The following ARHGAP35 variants were observed in gnomAD, a reference collection of about 807,000 sequenced individuals.
The protein encoded by ARHGAP35 is Rho GTPase activating protein 35.
ARHGAP35 carries 15 observed loss-of-function variants against 111.1 expected under a neutral mutation model. The ratio of observed to expected loss-of-function variants is 0.13; its 90% CI spans 0.09 to 0.21. The LOEUF (loss-of-function observed/expected upper bound fraction) is 0.21, where lower values mean the gene tolerates loss of function less well. Among genes scored for constraint, ARHGAP35 ranks in the 10% least tolerant of loss-of-function variants. The pLI, the probability that ARHGAP35 is intolerant of heterozygous loss-of-function variation, is 1.00. For missense variants in ARHGAP35, 1,262 were observed against 1,873.0 expected, an observed-to-expected ratio of 0.67 and a Z score of 6.02; for synonymous variants, 643 against 710.3, an observed-to-expected ratio of 0.91 and a Z score of 1.51.
chr19:46,873,049 G>A (rs1489390196), intron 1 of ARHGAP35, among the ~76,000 whole-genome samples: 1 of 152,100 alleles, frequency 6.6e-6, no homozygotes, highest in Non-Finnish European at 1.5e-5. Flanking sequence ...GCAGAGAGGG[G>A]ACTTGCCCAA....
In ARHGAP35 at chr19:46,922,113, G is replaced by A. The variant is rs1568468669; in HGVS notation, c.3438G>A (p.Gly1146=). ...SEMDTSSLER[G]RKVSIVSKPV... ...TGGACACCAGCTCTCTAGAGCGAGG[G>A]CGCAAGGTTTCCATCGTGAGCAAGC... Residue 1146 remains glycine (G), a synonymous_variant, in exon 2 of 7, where the codon GGG becomes GGA. Coordinates refer to ENST00000672722, the MANE Select transcript of ARHGAP35 (RefSeq NM_004491.5). This position sits in a 1 kb window ranked among gnomAD's most constrained non-coding sequence, Gnocchi z 4.0. The A allele has an allele frequency of 6.2e-7, 1 of 1,614,046 alleles. No homozygotes were observed. Among genetic ancestry groups the A allele is most frequent in the Non-Finnish European group, 8.5e-7 (1 of 1,179,902 alleles).
At chr19:46,889,750 CAAAAAAAAAAA>C (rs5828291) in intron 1 of ARHGAP35, among the ~76,000 whole-genome samples, 1 of 85,238 alleles carries the variant, frequency 1.2e-5, no homozygotes, top group Admixed American at 1.4e-4. Flanking sequence ...GACTCCGTCT[CAAAAAAAAAAA>C]AAAAAAAAAA....
rs1392329953 is a variant in ARHGAP35, at chr19:46,986,666, ATTAC to A, written c.3827-1319_3827-1316del. 6.6e-6 allele frequency among the ~76,000 whole-genome samples: 1 copy of A among 152,246 alleles called. No individual in the cohort carries two copies. Among genetic ancestry groups the A allele is most frequent in the Non-Finnish European group, 1.5e-5 (1 of 68,042 alleles). ...TGTAAACATATATAACGTTGATATA[ATTAC>A]TTAATATTCATAGACTTTCTCAAGT... is the stretch of plus-strand genomic sequence containing the variant. On this transcript the variant is annotated intron_variant, in intron 3 of 6. Transcript: ENST00000672722. The surrounding 1 kb of genome is among the most constrained non-coding windows in gnomAD (Gnocchi z 4.3).
At chr19:46,913,310 G>C (rs2056147685) in intron 1 of ARHGAP35, among the ~76,000 whole-genome samples, 1 of 151,490 alleles carries the variant, frequency 6.6e-6, no homozygotes. Context: ...CACACTTCCA[G>C]GCGTATGCTG....
rs188117510 is a variant in ARHGAP35 at position 46,975,488 on chromosome 19, G to A, written c.3827-12501G>A. 8.5e-5 allele frequency among the ~76,000 whole-genome samples: 13 copies of A among 152,278 alleles called. No individual in the cohort carries two copies. The East Asian group carries it at 2.1e-3, about 25-fold the overall frequency. On this transcript the variant is annotated intron_variant, in intron 3 of 6. Coordinates refer to ENST00000672722, the MANE Select transcript of ARHGAP35 (RefSeq NM_004491.5). ...AGTGAGAATCCTGGGCCTGTGTGGG[G>A]CTTGTTCTTCACTTTACACCCCATA...
chr19:46,983,636 CAG>C (rs1212825921), intron 3 of ARHGAP35, among the ~76,000 whole-genome samples: 1 of 98,520 alleles, frequency 1.0e-5, no homozygotes, highest in Admixed American at 1.5e-4. Context: ...TTTTTTGAGA[CAG>C]AGTCTCGCTT....
At chr19:46,961,820 C>T (rs1353213787) in intron 3 of ARHGAP35, among the ~76,000 whole-genome samples, 1 of 152,082 alleles carries the variant, frequency 6.6e-6, no homozygotes. Flanking sequence ...GTCCCAACTA[C>T]TCGGGAGGCT....
At chr19:46,963,744 G>C (rs12608885) in intron 3 of ARHGAP35, among the ~76,000 whole-genome samples, 1 of 152,130 alleles carries the variant, frequency 6.6e-6, no homozygotes, top group Non-Finnish European at 1.5e-5. Flanking sequence ...TCTCCCATGG[G>C]ACTTAATCGG....
Position 46,999,244 on chromosome 19 carries a change from C to G in ARHGAP35, c.4037-60C>G, listed in dbSNP as rs1480331395. On this transcript the variant is annotated intron_variant, in intron 5 of 6. Transcript: ENST00000672722. This position sits in a 1 kb window ranked among gnomAD's most constrained non-coding sequence, Gnocchi z 5.4. ...AGAGAAGGCCCATCACAGAGCACGC[C>G]CTGGGGTGGCCACCAGCCTCGGCCA... The G allele has an allele frequency of 1.1e-5, 13 of 1,215,754 alleles. No homozygotes were observed. In the East Asian group the frequency reaches 3.3e-4, roughly 31 times the overall value. The allele number at this position is 1,215,754 out of a possible 1,614,324, so 75.3% of individuals were successfully genotyped here.
Position 46,993,016 on chromosome 19 carries a change from G to A in ARHGAP35, c.4036+3341G>A, listed in dbSNP as rs1298045711. Among the ~76,000 whole-genome samples, 8 of 152,230 alleles carry A rather than the reference G, an allele frequency of 5.3e-5. No individual in the cohort carries two copies. The highest frequency in any genetic ancestry group is 1.3e-4 in the Admixed American group (2 of 15,284). On this transcript the variant is annotated intron_variant, in intron 5 of 6. Coordinates refer to ENST00000672722, the MANE Select transcript of ARHGAP35 (RefSeq NM_004491.5). This position sits in a 1 kb window ranked among gnomAD's most constrained non-coding sequence, Gnocchi z 4.6. ...GGGGGTGCTTCTCACACCCACGTACGGGGTCATTAATTTCACAGCTAGCCA... is the reference window on the plus strand; with the variant it reads ...GGGGGTGCTTCTCACACCCACGTACAGGGTCATTAATTTCACAGCTAGCCA...
intron 1 of ARHGAP35, among the ~76,000 whole-genome samples, chr19:46,894,902 T>C (rs928982733): frequency 1.1e-4 from 17 of 152,342 alleles, no homozygotes; most frequent in African/African-American, 4.1e-4. Context: ...GCATTTTAAT[T>C]CCTTTAAATT....
At chr19:46,969,636 G>T (rs1599854908) in intron 3 of ARHGAP35, among the ~76,000 whole-genome samples, 1 of 152,198 alleles carries the variant, frequency 6.6e-6, no homozygotes, top group African/African-American at 2.4e-5. Context: ...TCCTGCAGAG[G>T]TCTAGGGGCA....
intron 2 of ARHGAP35, among the ~76,000 whole-genome samples, chr19:46,931,158 T>C (rs2056270643): frequency 6.6e-6 from 1 of 152,056 alleles, no homozygotes; most frequent in South Asian, 2.1e-4. Context: ...TAAGGAGAAA[T>C]GAGAATCTCT....
chr19:47,000,785 GGGCAAGT>G lies in ARHGAP35; in HGVS notation c.*101_*107del. 6.5e-7 allele frequency: 1 copy of G among 1,541,174 alleles called. No homozygotes were observed. Among genetic ancestry groups the G allele is most frequent in the East Asian group, 2.5e-5 (1 of 40,808 alleles). ...CCAAGTCCACTGGGGACAGAGGCAG[GGGCAAGT>G]GGCTCTCCCCATTACCTTCTCAAGA... is the stretch of plus-strand genomic sequence containing the variant. On this transcript the variant is annotated 3_prime_UTR_variant, in exon 7 of 7. Coordinates refer to ENST00000672722, the MANE Select transcript of ARHGAP35 (RefSeq NM_004491.5). The surrounding 1 kb of genome is among the most constrained non-coding windows in gnomAD (Gnocchi z 6.9).
chr19:46,998,804 C>G (rs2056729944), intron 5 of ARHGAP35, among the ~76,000 whole-genome samples: 1 of 152,240 alleles, frequency 6.6e-6, no homozygotes, highest in South Asian at 2.1e-4. Context: ...ATCAGCCCCT[C>G]CAACGGGGAT....
chr19:46,974,736 C>G (rs1362966363), intron 3 of ARHGAP35, among the ~76,000 whole-genome samples: 1 of 152,118 alleles, frequency 6.6e-6, no homozygotes, highest in African/African-American at 2.4e-5. Context: ...CCCTCACCCC[C>G]AGAGGTCGTG....
chr19:46,946,721 G>GTTTTGT (rs1568475820), intron 3 of ARHGAP35: 4 of 151,592 alleles, frequency 2.6e-5, no homozygotes, highest in South Asian at 2.1e-4. Context: ...GTTTTGTTTT[G>GTTTTGT]TTTTGTTTTT....
intron 3 of ARHGAP35, among the ~76,000 whole-genome samples, chr19:46,959,852 C>CTT (rs1448521332): frequency 5.9e-5 from 9 of 151,926 alleles, no homozygotes; most frequent in African/African-American, 1.9e-4. Flanking sequence ...TCCCAGCATG[C>CTT]TGGGAGGCAG....
intron 3 of ARHGAP35, among the ~76,000 whole-genome samples, chr19:46,970,481 G>C (rs2122291459): frequency 6.6e-6 from 1 of 152,156 alleles, no homozygotes; most frequent in East Asian, 1.9e-4. Flanking sequence ...ATGGAAGTCT[G>C]AACTCCTCAA....
Sources: allele counts gnomAD v4.1 joint callset (sites outside exome capture counted in the v4.1 genomes callset), GRCh38; gene constraint gnomAD v4.1.1; non-coding constraint Gnocchi (gnomAD v3.1); transcripts MANE v1.5; gene names NCBI Gene and HGNC (gene_info 2026-07-23, HGNC 2026-07-21).